The following METTL9 variants were observed in gnomAD, a reference collection of about 807,000 sequenced individuals.
The protein encoded by METTL9 is protein-L-histidine N-pros-methyltransferase.
Under a neutral mutation model 36.0 loss-of-function variants are expected in METTL9, and 10 were observed. That is an observed-to-expected ratio of 0.28 (90% CI 0.17 to 0.47). The LOEUF is 0.47. METTL9 is among the 20% of genes least tolerant of loss of function. The pLI, the probability that METTL9 is intolerant of heterozygous loss-of-function variation, is 0.99. For synonymous variants in METTL9, 175 were observed against 149.7 expected, an observed-to-expected ratio of 1.17 and a Z score of -1.23; for missense variants, 246 against 383.5, an observed-to-expected ratio of 0.64 and a Z score of 3.00.
intron 4 of METTL9, 150 bp downstream of exon 4, chr16:21,625,265 C>G (rs1965792928): frequency 1.2e-6 from 1 of 838,426 alleles, no homozygotes; most frequent in African/African-American, 1.7e-5. Context: ...AAAACACCAT[C>G]TTGGTTAATG....
intron 4 of METTL9, chr16:21,647,166 G>A: frequency 1.2e-6 from 2 of 1,614,134 alleles, no homozygotes; most frequent in South Asian, 1.1e-5. Flanking sequence ...CCTCCTGTCT[G>A]TTTAGCTCTC....
intron 4 of METTL9, among the ~76,000 whole-genome samples, chr16:21,628,664 T>C (rs929717384): frequency 6.6e-6 from 1 of 151,920 alleles, no homozygotes; most frequent in Non-Finnish European, 1.5e-5. Context: ...CATCTAACTT[T>C]TGTATTTTTT....
intron 4 of METTL9, among the ~76,000 whole-genome samples, chr16:21,629,699 G>C (rs908562500): frequency 6.6e-6 from 1 of 152,152 alleles, no homozygotes; most frequent in Non-Finnish European, 1.5e-5. Flanking sequence ...TGCAAAGAAC[G>C]AAAGAACAAA....
intron 4 of METTL9, among the ~76,000 whole-genome samples, chr16:21,633,283 T>C (rs1966009832): frequency 1.3e-5 from 2 of 152,208 alleles, no homozygotes; most frequent in African/African-American, 4.8e-5. Flanking sequence ...AGACACCTTG[T>C]ACCTTTGATT....
At position 21,599,861 on chromosome 16, in the gene METTL9, C is replaced by G; in HGVS notation, c.128C>G (p.Pro43Arg). The G allele has an allele frequency of 1.3e-6, 2 of 1,490,230 alleles. No individual in the cohort carries two copies. Among genetic ancestry groups the G allele is most frequent in the Non-Finnish European group, 1.8e-6 (2 of 1,125,230 alleles). 92.3% of individuals were successfully genotyped at this position (1,490,230 alleles called of 1,614,324 possible). ...AACATGACTAGCGGCCCGGGTGGGCCGGCGGCGGCCGCGGGCGGCAGGAAG... is the reference window on the plus strand; with the variant it reads ...AACATGACTAGCGGCCCGGGTGGGCGGGCGGCGGCCGCGGGCGGCAGGAAG... ...YVNMTSGPGG[P>R]AAAAGGRKEN... Residue 43 changes from proline (P) to arginine (R), a missense_variant, in exon 1 of 5, where the codon CCG becomes CGG. By Grantham distance (103) the Pro-to-Arg change is moderately radical. Around this residue, in one of 2 missense-constraint regions of METTL9, gnomAD observed 100 missense variants for 81.4 expected, o/e 1.23. Coordinates refer to ENST00000358154, the MANE Select transcript of METTL9 (RefSeq NM_016025.5). This position sits in a 1 kb window ranked among gnomAD's most constrained non-coding sequence, Gnocchi z 4.4.
At position 21,608,273 on chromosome 16, in the gene METTL9, T is replaced by G. The variant is rs567232408; in HGVS notation, c.166-4372T>G. Among the ~76,000 whole-genome samples the G allele has an allele frequency of 2.2e-4, 34 of 152,094 alleles. 1 individual carries two copies. The Middle Eastern group carries it at 0.014, about 61-fold the overall frequency. ...GTTTGGAGAGAGGTGAAACCAGGAGTCCTGCCCATTGGGTTAAAGGGGTTC... is the reference window on the plus strand; with the variant it reads ...GTTTGGAGAGAGGTGAAACCAGGAGGCCTGCCCATTGGGTTAAAGGGGTTC... On this transcript the variant is annotated intron_variant, in intron 1 of 4. Transcript: ENST00000358154.
chr16:21,644,412 A>G, intron 4 of METTL9: 1 of 1,548,930 alleles, frequency 6.5e-7, no homozygotes, highest in Non-Finnish European at 8.9e-7. Context: ...TGACAAAAAC[A>G]GAAAGAAGCA....
intron 3 of METTL9, among the ~76,000 whole-genome samples, chr16:21,623,735 G>A (rs1189428120): frequency 6.6e-6 from 1 of 151,942 alleles, no homozygotes; most frequent in Non-Finnish European, 1.5e-5. Context: ...ATGTTAATAG[G>A]ATGTCCTGGG....
chr16:21,616,190 A>G (rs1431946669), intron 2 of METTL9, among the ~76,000 whole-genome samples: 2 of 152,198 alleles, frequency 1.3e-5, no homozygotes, highest in African/African-American at 4.8e-5. Flanking sequence ...GCAGCAGTAC[A>G]GAACAGGTTT....
intron 2 of METTL9, 136 bp from the exon 3 acceptor site, chr16:21,617,727 TAA>T (rs779501855): frequency 5.6e-3 from 3,531 of 627,362 alleles, no homozygotes; most frequent in East Asian, 7.4e-3. Context: ...AGACCTTGTC[TAA>T]AAAAAAAAAA....
rs1965453679 is a variant in METTL9 at position 21,612,659 on chromosome 16, C to G, written c.180C>G (p.Asn60Lys). 3 of 1,445,292 alleles carry G rather than the reference C, an allele frequency of 2.1e-6. No homozygotes were observed. The highest frequency in any genetic ancestry group is 2.6e-5 in the South Asian group (2 of 77,752). The allele number at this position is 1,445,292 out of a possible 1,614,324, so 89.5% of individuals were successfully genotyped here. ...TTTTTTTTTAGTGGTATGTGTGCAACAGAGAGAAATTATGCGAATCACTCC... is the reference window on the plus strand; with the variant it reads ...TTTTTTTTTAGTGGTATGTGTGCAAGAGAGAGAAATTATGCGAATCACTCC... ...RKENHQWYVC[N>K]REKLCESLQA... is the part of the protein sequence containing the mutation. The change falls in exon 2 of 5, where the codon AAC becomes AAG. Residue 60 changes from asparagine to lysine, a missense_variant. Transcript: ENST00000358154.
At chr16:21,606,260 C>T (rs1421251488) in intron 1 of METTL9, among the ~76,000 whole-genome samples, 6 of 152,106 alleles carry the variant, frequency 3.9e-5, no homozygotes, top group South Asian at 2.1e-4. Context: ...TCGCTTGAAC[C>T]GTGGAGGCGG....
At chr16:21,599,015 G>A (rs983380170), upstream of METTL9, among the ~76,000 whole-genome samples, 22 of 152,124 alleles carry the variant, frequency 1.4e-4, no homozygotes, top group African/African-American at 5.1e-4. This position sits in a 1 kb window ranked among gnomAD's most constrained non-coding sequence, Gnocchi z 4.4. Context: ...TGGCAGGTCG[G>A]TTCTAAATGT....
At chr16:21,641,514 C>A in intron 4 of METTL9, 2 of 1,505,874 alleles carry the variant, frequency 1.3e-6, no homozygotes, top group Non-Finnish European at 1.8e-6. Context: ...TCAGTGACTT[C>A]ATTGAAAATT....
At chr16:21,602,131 T>C (rs1965149447) in intron 1 of METTL9, among the ~76,000 whole-genome samples, 1 of 152,170 alleles carries the variant, frequency 6.6e-6, no homozygotes, top group Non-Finnish European at 1.5e-5. Context: ...TACAAGGTCT[T>C]CTAAGTGTTC....
chr16:21,637,348 A>T (rs997644224), intron 4 of METTL9, among the ~76,000 whole-genome samples: 2 of 152,054 alleles, frequency 1.3e-5, no homozygotes, highest in Non-Finnish European at 1.5e-5. Context: ...AAGTTCTCCA[A>T]GTCTGCTACC....
chr16:21,629,552 C>CT (rs1468438502), intron 4 of METTL9, among the ~76,000 whole-genome samples: 1 of 152,010 alleles, frequency 6.6e-6, no homozygotes, highest in Non-Finnish European at 1.5e-5. Context: ...TAAAGGCGGC[C>CT]TGTCTGGAGG....
intron 1 of METTL9, among the ~76,000 whole-genome samples, chr16:21,601,554 T>C (rs1239715073): frequency 6.6e-6 from 1 of 152,180 alleles, no homozygotes; most frequent in Non-Finnish European, 1.5e-5. Context: ...ATTGAAACAC[T>C]ATTTCAACAC....
At chr16:21,652,315 T>A in intron 4 of METTL9, 1 of 445,194 alleles carries the variant, frequency 2.2e-6, no homozygotes, top group South Asian at 4.5e-5. Flanking sequence ...ATTAGCATAA[T>A]AGCAAAGAGA....
Sources: allele counts gnomAD v4.1 joint callset (sites outside exome capture counted in the v4.1 genomes callset), GRCh38; gene constraint gnomAD v4.1.1; regional missense constraint gnomAD v4.1.1; non-coding constraint Gnocchi (gnomAD v3.1); transcripts MANE v1.5; gene names NCBI Gene and HGNC (gene_info 2026-07-23, HGNC 2026-07-21).